DIAPH2: variants seen among roughly 807,000 people sequenced by gnomAD.
The protein encoded by DIAPH2 is diaphanous related formin 2, also known as protein diaphanous homolog 2.
A neutral mutation model predicts 92.7 loss-of-function variants in DIAPH2; 35 were observed. The ratio of observed to expected loss-of-function variants is 0.38; its 90% CI spans 0.29 to 0.50. DIAPH2 has a LOEUF of 0.50. Ranked by LOEUF, DIAPH2 falls within the 20% of genes least tolerant of loss-of-function variation. DIAPH2 has a pLI of 0.94. For synonymous variants in DIAPH2, 301 were observed against 280.4 expected, an observed-to-expected ratio of 1.07 and a Z score of -0.73; for missense variants, 701 against 819.5, an observed-to-expected ratio of 0.86 and a Z score of 1.77.
At chrX:97,328,340 T>C (rs1384856568) in intron 23 of DIAPH2, among the ~76,000 whole-genome samples, 2 of 111,005 alleles carry the variant, frequency 1.8e-5, no homozygotes, top group Non-Finnish European at 3.8e-5. Context: ...GAGGCTGAGG[T>C]TGGAGAATCG....
In DIAPH2 at chrX:96,891,413, C is replaced by A. The variant is rs138212496; in HGVS notation, c.587+9695C>A. Reference sequence around the variant, plus strand: ...CAAATTGCATTAGACTTTGCACATACCATGGTCTATGTGTGATTTAGAATG... The same window carrying A: ...CAAATTGCATTAGACTTTGCACATAACATGGTCTATGTGTGATTTAGAATG... On this transcript the variant is annotated intron_variant, in intron 5 of 26. Coordinates refer to ENST00000324765, the MANE Select transcript of DIAPH2 (RefSeq NM_006729.5). Among the ~76,000 whole-genome samples the A allele has an allele frequency of 4.5e-5, 5 of 111,901 alleles. No homozygotes were observed. The East Asian group carries it at 1.4e-3, about 31-fold the overall frequency.
intron 23 of DIAPH2, among the ~76,000 whole-genome samples, chrX:97,248,252 A>G (rs2068158539): frequency 9.0e-6 from 1 of 111,485 alleles, no homozygotes; most frequent in Non-Finnish European, 1.9e-5. Flanking sequence ...TGCATTTTCA[A>G]GGACAATAAG....
chrX:96,774,150 A>T (rs2064359580), intron 4 of DIAPH2, among the ~76,000 whole-genome samples: 1 of 111,913 alleles, frequency 8.9e-6, no homozygotes, highest in South Asian at 3.8e-4. Flanking sequence ...TGTGGCTTAG[A>T]AAAGTAGGTA....
At chrX:96,998,243 A>AT (rs202074878) in intron 17 of DIAPH2, among the ~76,000 whole-genome samples, 2,844 of 111,650 alleles carry the variant, frequency 0.025, 102 homozygotes, top group African/African-American at 0.088. Flanking sequence ...CTTCTGTGGC[A>AT]TTTTTTAGGA....
chrX:96,723,672 A>G (rs931683697), intron 1 of DIAPH2, among the ~76,000 whole-genome samples: 3 of 112,024 alleles, frequency 2.7e-5, no homozygotes, highest in Non-Finnish European at 3.8e-5. Context: ...GTAGTCGCAG[A>G]ACTAACTCCA....
chrX:97,154,597 A>G lies in DIAPH2; in HGVS notation c.2719+12803A>G, dbSNP rs964872075. Among the ~76,000 whole-genome samples the G allele has an allele frequency of 3.6e-5, 4 of 111,370 alleles. No homozygotes were observed. In the East Asian group the frequency reaches 1.1e-3, roughly 31 times the overall value. ...AATTGATTTTTCCTTCTACGTGTCC[A>G]CAGAGAATAGTAACATACATTATGA... On this transcript the variant is annotated intron_variant, in intron 22 of 26. Coordinates refer to ENST00000324765, the MANE Select transcript of DIAPH2 (RefSeq NM_006729.5).
At chrX:96,898,662 TCCCATTTTGTAGGTTG>T (rs1327642686) in intron 5 of DIAPH2, among the ~76,000 whole-genome samples, 3 of 108,057 alleles carry the variant, frequency 2.8e-5, no homozygotes, top group Non-Finnish European at 5.8e-5. Flanking sequence ...GAAAATTTTC[TCCCATTTTGTAGGTTG>T]CCTGTTCACT....
At chrX:97,186,691 TAAGG>T (rs1036288518) in intron 22 of DIAPH2, among the ~76,000 whole-genome samples, 1 of 112,139 alleles carries the variant, frequency 8.9e-6, no homozygotes, top group African/African-American at 3.2e-5. Context: ...AGACATTTGT[TAAGG>T]AAGAAACAGG....
At chrX:96,799,232 G>A (rs761998623) in intron 4 of DIAPH2, among the ~76,000 whole-genome samples, 2 of 111,086 alleles carry the variant, frequency 1.8e-5, no homozygotes, top group South Asian at 7.7e-4. Flanking sequence ...ACAAAGGCTG[G>A]GTGGCTATAG....
At chrX:97,242,044 G>A (rs55921107) in intron 22 of DIAPH2, among the ~76,000 whole-genome samples, 41 of 111,717 alleles carry the variant, frequency 3.7e-4, no homozygotes, top group South Asian at 1.1e-3. Context: ...AAAGTGCTGA[G>A]ATAACAGGCG....
At chrX:96,959,871 G>A (rs1460947637) in intron 16 of DIAPH2, among the ~76,000 whole-genome samples, 1 of 111,279 alleles carries the variant, frequency 9.0e-6, no homozygotes, top group African/African-American at 3.3e-5. Flanking sequence ...TATTGAAGAG[G>A]GTGTCCTTTC....
chrX:97,349,898 C>T (rs1324469642), intron 24 of DIAPH2, among the ~76,000 whole-genome samples: 1 of 111,391 alleles, frequency 9.0e-6, no homozygotes, highest in Admixed American at 9.6e-5. Flanking sequence ...TCAAAAAGGA[C>T]AAAACAATGA....
intron 26 of DIAPH2, among the ~76,000 whole-genome samples, chrX:97,455,915 G>A (rs1191584359): frequency 5.4e-5 from 6 of 111,838 alleles, no homozygotes; most frequent in Non-Finnish European, 1.1e-4. Context: ...GACAGTTTTA[G>A]TAAATGACCA....
intron 5 of DIAPH2, chrX:96,884,148 A>G (rs767889980): frequency 3.1e-5 from 14 of 447,374 alleles, no homozygotes; most frequent in South Asian, 1.1e-4. Flanking sequence ...AGGTAGCGTG[A>G]CGCTTGTCAC....
chrX:97,390,970 A>AACT (rs1473091318), intron 25 of DIAPH2, among the ~76,000 whole-genome samples: 1 of 111,816 alleles, frequency 8.9e-6, no homozygotes, highest in Non-Finnish European at 1.9e-5. Flanking sequence ...TCAAATAGTA[A>AACT]ACTACTGTTA....
intron 9 of DIAPH2, among the ~76,000 whole-genome samples, chrX:96,928,251 A>G (rs779511970): frequency 4.1e-4 from 46 of 111,283 alleles, no homozygotes; most frequent in African/African-American, 1.4e-3. Context: ...TGTGGTTTTT[A>G]TGAAGATGAG....
intron 15 of DIAPH2, chrX:96,953,946 C>A (rs1211123863): frequency 8.9e-6 from 1 of 111,836 alleles, no homozygotes; most frequent in Non-Finnish European, 1.9e-5. Context: ...TAGAGTTTCT[C>A]CAATTGCCAC....
intron 9 of DIAPH2, among the ~76,000 whole-genome samples, chrX:96,924,452 T>A (rs1286697122): frequency 9.0e-6 from 1 of 111,218 alleles, no homozygotes; most frequent in South Asian, 3.8e-4. Context: ...TAATAGAGGG[T>A]TGCCAGTGAC....
intron 4 of DIAPH2, among the ~76,000 whole-genome samples, chrX:96,830,294 A>G (rs173044): frequency 0.44 from 48,320 of 109,955 alleles, 9,536 homozygotes; most frequent in African/African-American, 0.78. Flanking sequence ...TGAGTGGGCC[A>G]GGCGTGGTGG....
Sources: gnomAD v4.1 joint callset for allele counts (sites outside exome capture counted in the v4.1 genomes callset) on GRCh38, gnomAD v4.1.1 for gene constraint, MANE v1.5 for transcripts, NCBI Gene and HGNC (gene_info 2026-07-23, HGNC 2026-07-21) for gene names.